Variants in FRMD4A observed in about 807,000 individuals in gnomAD.
FRMD4A encodes FERM domain-containing protein 4A.
A neutral mutation model predicts 129.1 loss-of-function variants in FRMD4A; 29 were observed. That is an observed-to-expected ratio of 0.22 (90% CI 0.17 to 0.31). The LOEUF (loss-of-function observed/expected upper bound fraction) is 0.31, where lower values mean the gene tolerates loss of function less well. FRMD4A is among the 10% of genes least tolerant of loss of function. The probability of loss-of-function intolerance (pLI) is 1.00; values close to 1 mark genes in which losing one functional copy is unlikely to be tolerated. For missense variants in FRMD4A, 1,272 were observed against 1,375.8 expected (o/e 0.92, Z 1.19); for synonymous variants, 634 against 571.6 (o/e 1.11, Z -1.56).
At chr10:13,717,718 T>TGG (rs1413375657) in intron 12 of FRMD4A, among the ~76,000 whole-genome samples, 4 of 66,898 alleles carry the variant, frequency 6.0e-5, no homozygotes, top group African/African-American at 2.0e-4. Context: ...TTTCCAGGGG[T>TGG]GGCGGGGGGG....
intron 2 of FRMD4A, among the ~76,000 whole-genome samples, chr10:14,004,993 C>T (rs960812177): frequency 6.6e-6 from 1 of 151,746 alleles, no homozygotes; most frequent in Non-Finnish European, 1.5e-5. Context: ...CCATACCAAA[C>T]GTGGCATTTT....
At chr10:14,177,347 AT>A (rs954486933) in intron 2 of FRMD4A, among the ~76,000 whole-genome samples, 1 of 151,112 alleles carries the variant, frequency 6.6e-6, no homozygotes, top group Non-Finnish European at 1.5e-5. Context: ...TTTTTTTTGT[AT>A]TTTCAGTAGA....
chr10:14,227,898 G>A (rs536297456), intron 2 of FRMD4A, among the ~76,000 whole-genome samples: 5 of 150,994 alleles, frequency 3.3e-5, no homozygotes, highest in Non-Finnish European at 7.4e-5. Context: ...TTCTTTTAAC[G>A]GAGTCTTGCT....
chr10:13,983,095 G>C (rs546395374), intron 2 of FRMD4A, among the ~76,000 whole-genome samples: 2 of 152,082 alleles, frequency 1.3e-5, no homozygotes, highest in Non-Finnish European at 2.9e-5. Context: ...CAACTAGCTG[G>C]GGCTATAGGC....
At chr10:14,201,955 G>A (rs551930142) in intron 2 of FRMD4A, among the ~76,000 whole-genome samples, 93 of 151,998 alleles carry the variant, frequency 6.1e-4, no homozygotes, top group African/African-American at 1.9e-3. Flanking sequence ...ATGGTGAAAC[G>A]CCGTCTCTAC....
intron 2 of FRMD4A, among the ~76,000 whole-genome samples, chr10:14,147,623 G>A (rs996322927): frequency 2.0e-5 from 3 of 152,032 alleles, no homozygotes; most frequent in African/African-American, 4.8e-5. Context: ...AGGAACGTGC[G>A]ACCTAGATCC....
In FRMD4A at chr10:14,152,116, G is replaced by T. The variant is rs10160120; in HGVS notation, c.45+177942C>A. On this transcript the variant is annotated intron_variant, in intron 2 of 24. Transcript: ENST00000357447. ...CCAAAGCAGGATATGTTTGTGTAGT[G>T]CTTTTTTTTTTTTTTTTTTTTTTTT... Among the ~76,000 whole-genome samples, 941 of 98,074 alleles carry T rather than the reference G, an allele frequency of 9.6e-3. 5 individuals are homozygous for T. Among genetic ancestry groups the T allele is most frequent in the South Asian group, 0.016 (45 of 2,842 alleles). 64.3% of individuals were successfully genotyped at this position (98,074 alleles called of 152,430 possible). A position where few individuals can be genotyped will look rare whatever the true frequency, so the allele number is the denominator to read the frequency against.
intron 23 of FRMD4A, chr10:13,653,980 C>A: frequency 4.1e-6 from 1 of 244,160 alleles, no homozygotes; most frequent in East Asian, 8.1e-5. Flanking sequence ...CTTTTTCTTG[C>A]ACCCTGAGAC....
intron 2 of FRMD4A, among the ~76,000 whole-genome samples, chr10:14,100,399 A>G (rs570897199): frequency 4.6e-5 from 7 of 152,316 alleles, no homozygotes; most frequent in African/African-American, 1.7e-4. Context: ...CTCTATCATT[A>G]TAATGATTCT....
chr10:14,000,162 T>C (rs1168492205), intron 2 of FRMD4A, among the ~76,000 whole-genome samples: 2 of 152,194 alleles, frequency 1.3e-5, no homozygotes, highest in Non-Finnish European at 1.5e-5. Context: ...CATTGCACAG[T>C]TTCTTCTATA....
In FRMD4A at chr10:14,008,377, T is replaced by C. The variant is rs1328131819; in HGVS notation, c.46-149465A>G. ...GAAGAAAGAAAACCAGCCCAAGTTCTGCAACTTCAGCGCCCACGAAGCAGC... is the reference window on the plus strand; with the variant it reads ...GAAGAAAGAAAACCAGCCCAAGTTCCGCAACTTCAGCGCCCACGAAGCAGC... On this transcript the variant is annotated intron_variant, in intron 2 of 24. Transcript: ENST00000357447. 12 of 1,026,856 alleles carry C rather than the reference T, an allele frequency of 1.2e-5. No homozygotes were observed. The East Asian group carries it at 2.4e-4, about 21-fold the overall frequency. 63.6% of individuals were successfully genotyped at this position (1,026,856 alleles called of 1,614,324 possible).
chr10:14,041,482 C>G (rs1833776247), intron 2 of FRMD4A, among the ~76,000 whole-genome samples: 1 of 152,182 alleles, frequency 6.6e-6, no homozygotes, highest in Admixed American at 6.5e-5. Flanking sequence ...ACTGTGATCT[C>G]CATACTTGAG....
intron 2 of FRMD4A, among the ~76,000 whole-genome samples, chr10:14,198,355 C>T (rs944003634): frequency 6.6e-6 from 1 of 152,182 alleles, no homozygotes; most frequent in Non-Finnish European, 1.5e-5. Flanking sequence ...AACTGCCATG[C>T]AATTGCTACT....
intron 2 of FRMD4A, among the ~76,000 whole-genome samples, chr10:14,305,737 C>T (rs1846328135): frequency 1.3e-5 from 2 of 151,964 alleles, no homozygotes; most frequent in Non-Finnish European, 2.9e-5. Flanking sequence ...AAATGCCCGT[C>T]AATGACAGAC....
intron 2 of FRMD4A, among the ~76,000 whole-genome samples, chr10:14,232,530 C>CATTTT: frequency 7.2e-6 from 1 of 139,848 alleles, no homozygotes; most frequent in South Asian, 2.1e-4. Context: ...GTAGTATGGA[C>CATTTT]AGGTATTGAT....
chr10:14,291,144 A>G (rs1845839519), intron 2 of FRMD4A, among the ~76,000 whole-genome samples: 1 of 152,192 alleles, frequency 6.6e-6, no homozygotes. Flanking sequence ...AAAGATAGAA[A>G]GAATGAAGAA....
chr10:13,906,265 T>C (rs1225933443), intron 2 of FRMD4A, among the ~76,000 whole-genome samples: 1 of 152,200 alleles, frequency 6.6e-6, no homozygotes, highest in Admixed American at 6.5e-5. Context: ...TATCTGTCTA[T>C]ATAGCAGGCT....
chr10:14,060,056 C>A (rs1834733195), intron 2 of FRMD4A, among the ~76,000 whole-genome samples: 1 of 152,212 alleles, frequency 6.6e-6, no homozygotes, highest in South Asian at 2.1e-4. Flanking sequence ...ATACCTTTAA[C>A]TACTCTATCT....
intron 3 of FRMD4A, among the ~76,000 whole-genome samples, chr10:13,851,885 C>G (rs754644045): frequency 1.3e-4 from 18 of 139,996 alleles, no homozygotes; most frequent in Non-Finnish European, 2.6e-4. Flanking sequence ...GGTGACAAAG[C>G]AAGACTCTGT....
Sources: allele counts gnomAD v4.1 joint callset (sites outside exome capture counted in the v4.1 genomes callset), GRCh38; gene constraint gnomAD v4.1.1; transcripts MANE v1.5; gene names NCBI Gene and HGNC (gene_info 2026-07-23, HGNC 2026-07-21).